CDCA8: variants seen among roughly 807,000 people sequenced by gnomAD.
CDCA8 encodes cell division cycle associated 8.
Under a neutral mutation model 40.0 loss-of-function variants are expected in CDCA8, and 25 were observed. That is an observed-to-expected ratio of 0.63 (90% CI 0.46 to 0.87). The LOEUF is 0.87. Among genes scored for constraint, CDCA8 ranks in the 40% least tolerant of loss-of-function variants. CDCA8 has a pLI of 0.00. For synonymous variants in CDCA8, 111 were observed against 126.5 expected, an observed-to-expected ratio of 0.88 and a Z score of 0.82; for missense variants, 280 against 348.4, an observed-to-expected ratio of 0.80 and a Z score of 1.56.
chr1:37,696,005 C>A lies in CDCA8; in HGVS notation c.264+55C>A. On this transcript the variant is annotated intron_variant, in intron 3 of 9. Coordinates refer to ENST00000373055, the MANE Select transcript of CDCA8 (RefSeq NM_001256875.2). This position sits in a 1 kb window ranked among gnomAD's most constrained non-coding sequence, Gnocchi z 5.0. ...TGGTTACTTAAGTCTAGTCCAGTCC[C>A]CAGATCCAACTAATAGATGCTTACT... 1 of 1,445,108 alleles carries A rather than the reference C, an allele frequency of 6.9e-7. No homozygotes were observed. The highest frequency in any genetic ancestry group is 1.2e-5 in the South Asian group (1 of 86,856). 89.5% of individuals were successfully genotyped at this position (1,445,108 alleles called of 1,614,324 possible). A position where few individuals can be genotyped will look rare whatever the true frequency, so the allele number is the denominator to read the frequency against.
chr1:37,702,036 A>AT (rs1645568264), intron 6 of CDCA8, among the ~76,000 whole-genome samples: 2 of 110,120 alleles, frequency 1.8e-5, no homozygotes, highest in Non-Finnish European at 1.8e-5. Context: ...ATCCTTCCCC[A>AT]CTTTTTTTTT....
intron 4 of CDCA8, among the ~76,000 whole-genome samples, chr1:37,699,597 AAAGGAAAGGAAAGG>A (rs1348273003): frequency 3.5e-3 from 122 of 35,242 alleles, no homozygotes; most frequent in African/African-American, 0.022. Flanking sequence ...AAAGGAAAGG[AAAGGAAAGGAAAGG>A]AAAGGAAAGG....
Position 37,692,956 on chromosome 1 carries a change from A to AG in CDCA8, c.148dup (p.Val50GlyfsTer3). 6.2e-7 allele frequency: 1 copy of AG among 1,614,086 alleles called. No homozygotes were observed. The highest frequency in any genetic ancestry group is 8.5e-7 in the Non-Finnish European group (1 of 1,179,998). On this transcript the variant is annotated frameshift_variant, in exon 2 of 10. Coordinates refer to ENST00000373055, the MANE Select transcript of CDCA8 (RefSeq NM_001256875.2). LOFTEE classifies it high-confidence loss of function. ...TCAGACAGGCAGAACCTCCTCAAGGAGGTGGATAACCTCTACAACATCGAG... is the reference window on the plus strand; with the variant it reads ...TCAGACAGGCAGAACCTCCTCAAGGAGGGTGGATAACCTCTACAACATCGAG...
Position 37,692,686 on chromosome 1 carries a change from G to T in CDCA8, c.-5G>T, listed in dbSNP as rs376553755. The T allele has an allele frequency of 1.2e-6, 2 of 1,611,810 alleles. No individual in the cohort carries two copies. Among genetic ancestry groups the T allele is most frequent in the African/African-American group, 2.7e-5 (2 of 74,892 alleles). On this transcript the variant is annotated 5_prime_UTR_variant, in exon 1 of 10. Coordinates refer to ENST00000373055, the MANE Select transcript of CDCA8 (RefSeq NM_001256875.2). ...CGCCGCTCCCCGCAGCCTCCGCCGA[G>T]CGCCATGGCTCCTAGGAAGGGCAGT...
chr1:37,698,138 G>T (rs1249446767), intron 3 of CDCA8, among the ~76,000 whole-genome samples: 7 of 152,206 alleles, frequency 4.6e-5, no homozygotes, highest in Non-Finnish European at 1.0e-4. Context: ...TGGTAAGCTT[G>T]ACACACCACC....
At position 37,708,353 on chromosome 1, in the gene CDCA8, G is replaced by A. The variant is rs377421064; in HGVS notation, c.830G>A (p.Arg277Gln). Residue 277 changes from arginine to glutamine, a missense_variant, in exon 10 of 10, where the codon CGG becomes CAG. Physicochemically the swap from Arg to Gln is conservative, Grantham distance 43 (BLOSUM62 1). Transcript: ENST00000373055. ...CTCGCCCAAATCTGCAGCAGCATAC[G>A]GACCCACAAATGAGACACCAAAGTT... ...NRLAQICSSI[R>Q]THK 49 of 1,613,878 alleles carry A rather than the reference G, an allele frequency of 3.0e-5. No homozygotes were observed. The highest frequency in any genetic ancestry group is 1.1e-4 in the East Asian group (5 of 44,880).
intron 4 of CDCA8, among the ~76,000 whole-genome samples, 185 bp downstream of exon 4, chr1:37,699,162 A>C (rs984503359): frequency 1.3e-5 from 2 of 152,166 alleles, no homozygotes. Context: ...CCGAACAGCA[A>C]TTCAAACCAG....
Position 37,705,414 on chromosome 1 carries a change from A to G in CDCA8, c.585-27A>G, listed in dbSNP as rs181984523. On this transcript the variant is annotated intron_variant, in intron 7 of 9. Transcript: ENST00000373055. ...TTTGGTGTCATCCAATTGCCAAGCTATCTTCACAGAGATTTTCCCATTCTA... is the reference window on the plus strand; with the variant it reads ...TTTGGTGTCATCCAATTGCCAAGCTGTCTTCACAGAGATTTTCCCATTCTA... 5.1e-5 allele frequency: 82 copies of G among 1,608,520 alleles called. No individual in the cohort carries two copies. In the African/African-American group the frequency reaches 1.0e-3, roughly 20 times the overall value.
chr1:37,705,621 T>C, intron 8 of CDCA8, 54 bp downstream of exon 8: 1 of 1,597,030 alleles, frequency 6.3e-7, no homozygotes. Flanking sequence ...GTCAAGCATT[T>C]CTTTTCCCTG....
intron 9 of CDCA8, among the ~76,000 whole-genome samples, chr1:37,707,718 G>A (rs917374738): frequency 1.3e-5 from 2 of 152,198 alleles, no homozygotes; most frequent in Non-Finnish European, 2.9e-5. Flanking sequence ...AGCTCAGGAG[G>A]CTCAGGTGAG....
rs865853736 is a variant in CDCA8 at position 37,705,572 on chromosome 1, A to G, written c.711+5A>G. On this transcript the variant is annotated splice_donor_5th_base_variant and intron_variant, in intron 8 of 9. Coordinates refer to ENST00000373055, the MANE Select transcript of CDCA8 (RefSeq NM_001256875.2). ...GTGCCAGTGGGCGGCGGAGAGGTGA[A>G]GTATTTCCAAGGGAAGCCAGGCCAC... 7 of 1,611,884 alleles carry G rather than the reference A, an allele frequency of 4.3e-6. No individual in the cohort carries two copies. Among genetic ancestry groups the G allele is most frequent in the Middle Eastern group, 4.0e-4 (2 of 4,970 alleles).
rs763562026 is a variant in CDCA8 at position 37,708,370 on chromosome 1, A to C, written c.*4A>C. The C allele has an allele frequency of 5.0e-6, 8 of 1,613,894 alleles. No homozygotes were observed. Among genetic ancestry groups the C allele is most frequent in the Admixed American group, 1.7e-5 (1 of 60,008 alleles). ...CAGCATACGGACCCACAAATGAGACACCAAAGTTGACAGGATGGACTTTTA... is the reference window on the plus strand; with the variant it reads ...CAGCATACGGACCCACAAATGAGACCCCAAAGTTGACAGGATGGACTTTTA... On this transcript the variant is annotated 3_prime_UTR_variant, in exon 10 of 10. Transcript: ENST00000373055.
At chr1:37,692,834 C>T (rs749828490) in intron 1 of CDCA8, 50 bp downstream of exon 1, 2 of 1,612,436 alleles carry the variant, frequency 1.2e-6, no homozygotes, top group Non-Finnish European at 1.7e-6. Context: ...GGGATGCTGG[C>T]GGGTGGGGAC....
intron 8 of CDCA8, among the ~76,000 whole-genome samples, chr1:37,706,194 GCCTC>G (rs1645600802): frequency 6.8e-6 from 1 of 146,104 alleles, no homozygotes; most frequent in African/African-American, 2.6e-5. Flanking sequence ...TGCAACCTCT[GCCTC>G]CCAGGTTCAA....
intron 4 of CDCA8, 98 bp downstream of exon 4, chr1:37,699,075 C>T: frequency 2.6e-6 from 2 of 761,646 alleles, no homozygotes; most frequent in Admixed American, 2.2e-5. Context: ...GAGCCTCTTC[C>T]CTTTAATGTC....
At chr1:37,699,047 G>T in intron 4 of CDCA8, 70 bp downstream of exon 4, 1 of 1,023,326 alleles carries the variant, frequency 9.8e-7, no homozygotes, top group Non-Finnish European at 1.6e-6. Context: ...TGGCTGCTCA[G>T]GCAGCGCCTT....
intron 3 of CDCA8, among the ~76,000 whole-genome samples, chr1:37,698,009 GC>G (rs913877792): frequency 3.3e-5 from 5 of 152,074 alleles, no homozygotes; most frequent in Admixed American, 3.3e-4. Flanking sequence ...TCTTTGTAGT[GC>G]CCATACTTAT....
chr1:37,704,854 G>A, intron 7 of CDCA8, among the ~76,000 whole-genome samples: 1 of 151,736 alleles, frequency 6.6e-6, no homozygotes, highest in South Asian at 2.1e-4. Flanking sequence ...TGCCATGTTG[G>A]CCAGGCTGGT....
intron 7 of CDCA8, among the ~76,000 whole-genome samples, chr1:37,704,073 C>G (rs1342538626): frequency 1.3e-5 from 2 of 152,092 alleles, no homozygotes; most frequent in African/African-American, 4.8e-5. Flanking sequence ...CCCACCTTAG[C>G]TCCCAAGCAT....
Sources: gnomAD v4.1 joint callset for allele counts (sites outside exome capture counted in the v4.1 genomes callset) on GRCh38, gnomAD v4.1.1 for gene constraint, Gnocchi (gnomAD v3.1) non-coding constraint, MANE v1.5 for transcripts, NCBI Gene and HGNC (gene_info 2026-07-23, HGNC 2026-07-21) for gene names.